The following TUSC3 variants were observed in gnomAD, a reference collection of about 807,000 sequenced individuals.
TUSC3 encodes the protein dolichyl-diphosphooligosaccharide--protein glycosyltransferase subunit TUSC3.
In TUSC3, 45 loss-of-function variants were observed where a neutral mutation model predicts 44.8. That is an observed-to-expected ratio of 1.00 (90% confidence interval 0.79 to 1.29). TUSC3 has a LOEUF of 1.29. TUSC3 is among the 50% of genes most tolerant of loss of function. The probability of loss-of-function intolerance (pLI) is 0.00; values close to 1 mark genes in which losing one functional copy is unlikely to be tolerated. For missense variants in TUSC3, 519 were observed against 437.9 expected, an observed-to-expected ratio of 1.19 and a Z score of -1.65; for synonymous variants, 212 against 152.9, an observed-to-expected ratio of 1.39 and a Z score of -2.85.
At chr8:15,446,762 A>G (rs1167070558) in intron 1 of TUSC3, among the ~76,000 whole-genome samples, 3 of 124,576 alleles carry the variant, frequency 2.4e-5, no homozygotes, top group African/African-American at 8.6e-5. Flanking sequence ...AGGGGGAGGG[A>G]GAGCTATTTT....
chr8:15,591,744 T>C (rs1036150591), intron 1 of TUSC3, among the ~76,000 whole-genome samples: 2 of 152,154 alleles, frequency 1.3e-5, no homozygotes, highest in East Asian at 3.9e-4. Context: ...ATTCTAGTTA[T>C]AATGCAGAGT....
chr8:15,749,984 T>A (rs1444776889), intron 9 of TUSC3, among the ~76,000 whole-genome samples: 5 of 111,950 alleles, frequency 4.5e-5, no homozygotes, highest in South Asian at 2.5e-4. Context: ...TACTGTGAGA[T>A]TTTTTTTTTT....
intron 6 of TUSC3, among the ~76,000 whole-genome samples, chr8:15,707,474 C>A (rs1375927754): frequency 6.6e-6 from 1 of 151,878 alleles, no homozygotes; most frequent in African/African-American, 2.4e-5. Flanking sequence ...GTGGCAAACA[C>A]CACCACTAAA....
intron 2 of TUSC3, among the ~76,000 whole-genome samples, chr8:15,523,648 ATATATATATATATATATGTGTGTG>A (rs1801327624): frequency 1.7e-4 from 1 of 5,800 alleles, no homozygotes; most frequent in African/African-American, 2.9e-4. Context: ...ACATATATAT[ATATATATATATATATATGTGTGTG>A]TGTGTGTGTG....
At chr8:15,789,022 G>A in the TUSC3 span, among the ~76,000 whole-genome samples, 2 of 152,184 alleles carry the variant, frequency 1.3e-5, no homozygotes, top group Admixed American at 6.6e-5. Flanking sequence ...CTCAGGCTTA[G>A]CTTCACATAT....
At chr8:15,629,195 A>C (rs1454642313) in intron 2 of TUSC3, among the ~76,000 whole-genome samples, 3 of 152,214 alleles carry the variant, frequency 2.0e-5, no homozygotes, top group Non-Finnish European at 4.4e-5. Flanking sequence ...ATGGTATGGT[A>C]ACTGAAGAGG....
chr8:15,842,534 T>C, the TUSC3 span, among the ~76,000 whole-genome samples: 1 of 152,088 alleles, frequency 6.6e-6, no homozygotes, highest in Non-Finnish European at 1.5e-5. Flanking sequence ...TTAGCATCAG[T>C]TTCCCATCCG....
At chr8:15,465,117 G>C (rs1800397928) in intron 1 of TUSC3, among the ~76,000 whole-genome samples, 1 of 152,142 alleles carries the variant, frequency 6.6e-6, no homozygotes. Flanking sequence ...AAATTGCTGG[G>C]ATTACAGGCA....
chr8:15,423,049 T>C (rs1364248368), intron 1 of TUSC3, among the ~76,000 whole-genome samples: 1 of 152,194 alleles, frequency 6.6e-6, no homozygotes, highest in Non-Finnish European at 1.5e-5. Context: ...TTAGTAAATA[T>C]ATAGAAATTT....
Position 15,471,038 on chromosome 8 carries a change from A to G in TUSC3, n.92-12348A>G, listed in dbSNP as rs141161143. On this transcript the variant is annotated intron_variant and non_coding_transcript_variant, in intron 1 of 5. Coordinates refer to the TUSC3 transcript ENST00000503191. ...ATGATAATCATAAAAATGCAAGACA[A>G]TAAAGGATGCAGTAAAAAAGTGCTC... Among the ~76,000 whole-genome samples, 7 of 152,352 alleles carry G rather than the reference A, an allele frequency of 4.6e-5. No individual in the cohort carries two copies. In the East Asian group the frequency reaches 1.2e-3, roughly 25 times the overall value.
intron 1 of TUSC3, among the ~76,000 whole-genome samples, chr8:15,563,642 T>G (rs898206771): frequency 7.5e-6 from 1 of 133,050 alleles, no homozygotes; most frequent in Admixed American, 8.8e-5. Context: ...GCCCGGATTG[T>G]GCCATAGCAC....
At chr8:15,738,434 C>G (rs1201014133) in intron 7 of TUSC3, among the ~76,000 whole-genome samples, 4 of 152,138 alleles carry the variant, frequency 2.6e-5, no homozygotes, top group Non-Finnish European at 5.9e-5. Context: ...AGGCCCAATC[C>G]AACCTGCCTG....
intron 1 of TUSC3, among the ~76,000 whole-genome samples, chr8:15,447,546 G>A (rs1260774558): frequency 6.6e-6 from 1 of 151,990 alleles, no homozygotes; most frequent in Non-Finnish European, 1.5e-5. Flanking sequence ...TGGCTATGAA[G>A]CAATGAAAAA....
intron 2 of TUSC3, among the ~76,000 whole-genome samples, chr8:15,512,367 T>G (rs534417895): frequency 6.6e-6 from 1 of 152,316 alleles, no homozygotes; most frequent in African/African-American, 2.4e-5. Context: ...GCCAGCTGAC[T>G]GCCTTTGGGC....
At chr8:15,759,624 A>G (rs1029482140) in intron 10 of TUSC3, among the ~76,000 whole-genome samples, 1 of 152,196 alleles carries the variant, frequency 6.6e-6, no homozygotes, top group Admixed American at 6.5e-5. Flanking sequence ...AGTTCTCTTC[A>G]TGTGACCTTT....
At chr8:15,454,556 G>A (rs1398519929) in intron 1 of TUSC3, among the ~76,000 whole-genome samples, 1 of 152,174 alleles carries the variant, frequency 6.6e-6, no homozygotes, top group African/African-American at 2.4e-5. Flanking sequence ...CTCGCTATTT[G>A]TTTCAATTCT....
chr8:15,573,210 A>C (rs796243247), intron 1 of TUSC3, among the ~76,000 whole-genome samples: 15,615 of 116,638 alleles, frequency 0.13, 1,067 homozygotes, highest in Non-Finnish European at 0.16. Context: ...CTCTATATAT[A>C]TATATATATA....
chr8:15,842,137 CCTT>C, the TUSC3 span, among the ~76,000 whole-genome samples: 11 of 152,062 alleles, frequency 7.2e-5, no homozygotes, highest in Non-Finnish European at 1.6e-4. Context: ...GAACACAAAA[CCTT>C]CTTCTTGGCA....
the TUSC3 span, among the ~76,000 whole-genome samples, chr8:15,797,785 A>C: frequency 6.6e-6 from 1 of 152,198 alleles, no homozygotes; most frequent in Non-Finnish European, 1.5e-5. Context: ...AAGACAACAC[A>C]GCAAGTGCTA....
Sources: allele counts gnomAD v4.1 joint callset (sites outside exome capture counted in the v4.1 genomes callset), GRCh38; gene constraint gnomAD v4.1.1; transcripts MANE v1.5; gene names NCBI Gene and HGNC (gene_info 2026-07-23, HGNC 2026-07-21).